UTRN: variants seen among roughly 807,000 people sequenced by gnomAD.
The protein encoded by UTRN is dystrophin-related protein 1.
UTRN carries 283 observed loss-of-function variants against 463.9 expected under a neutral mutation model. The ratio of observed to expected loss-of-function variants is 0.61; its 90% CI spans 0.55 to 0.67. The LOEUF (loss-of-function observed/expected upper bound fraction) is 0.67. Among genes scored for constraint, UTRN ranks in the 30% least tolerant of loss-of-function variants. The pLI is 0.00. For synonymous variants in UTRN, 1,442 were observed against 1,431.5 expected (o/e 1.01, Z -0.17); for missense variants, 3,922 against 4,084.3 (o/e 0.96, Z 1.08).
At chr6:144,450,354 A>C (rs1447444572) in intron 17 of UTRN, among the ~76,000 whole-genome samples, 1 of 152,176 alleles carries the variant, frequency 6.6e-6, no homozygotes. Flanking sequence ...TTGTGAGTTC[A>C]GTACTCATTA....
intron 9 of UTRN, among the ~76,000 whole-genome samples, chr6:144,433,627 G>A (rs1436548660): frequency 8.6e-5 from 13 of 150,908 alleles, no homozygotes; most frequent in South Asian, 2.1e-4. Flanking sequence ...CTTCTCAGAC[G>A]GGGCGGCCGG....
chr6:144,464,689 G>A (rs1256614698), intron 23 of UTRN, among the ~76,000 whole-genome samples: 1 of 151,986 alleles, frequency 6.6e-6, no homozygotes, highest in South Asian at 2.1e-4. Context: ...TAGTAGAGAT[G>A]AGGTTTTACC....
chr6:144,400,592 A>G (rs1173353031), intron 2 of UTRN, among the ~76,000 whole-genome samples: 2 of 152,200 alleles, frequency 1.3e-5, no homozygotes, highest in Admixed American at 1.3e-4. Flanking sequence ...CCTGTCTAGT[A>G]GAAAATAAGA....
intron 52 of UTRN, among the ~76,000 whole-genome samples, chr6:144,695,077 G>A (rs369101784): frequency 6.6e-6 from 1 of 150,946 alleles, no homozygotes; most frequent in Non-Finnish European, 1.5e-5. Flanking sequence ...CTTTTATTGC[G>A]CTAAAGTTGA....
At chr6:144,417,309 G>A (rs561022250) in intron 3 of UTRN, among the ~76,000 whole-genome samples, 36 of 152,178 alleles carry the variant, frequency 2.4e-4, no homozygotes, top group Non-Finnish European at 4.3e-4. Flanking sequence ...AATTTTAGTA[G>A]CAGTATAGCA....
chr6:144,393,630 C>T (rs6920327), intron 2 of UTRN, among the ~76,000 whole-genome samples: 5 of 151,828 alleles, frequency 3.3e-5, no homozygotes, highest in Admixed American at 1.3e-4. Context: ...TGTCATGACA[C>T]GTCAGAGAAG....
intron 51 of UTRN, among the ~76,000 whole-genome samples, chr6:144,657,870 T>A (rs1365599568): frequency 1.3e-5 from 2 of 152,164 alleles, no homozygotes; most frequent in African/African-American, 2.4e-5. Flanking sequence ...TCTCTCCCTT[T>A]TTTATTTATT....
intron 53 of UTRN, among the ~76,000 whole-genome samples, chr6:144,720,542 T>C (rs996863775): frequency 1.3e-5 from 2 of 152,228 alleles, no homozygotes; most frequent in Non-Finnish European, 2.9e-5. Flanking sequence ...CTGTGATTTT[T>C]AGTAGCTACA....
intron 66 of UTRN, among the ~76,000 whole-genome samples, chr6:144,824,603 TATA>T (rs1779962708): frequency 1.9e-5 from 1 of 52,698 alleles, no homozygotes; most frequent in African/African-American, 1.2e-4. Context: ...TATATATATA[TATA>T]TATATATCTT....
chr6:144,851,195 ATAT>A lies in UTRN; in HGVS notation c.*203_*205del, dbSNP rs545114045. ...GATATTTTGTTTTTATAATAACCAT[ATAT>A]TATTGTTTTCTTCTTCCCTTTCTAT... On this transcript the variant is annotated 3_prime_UTR_variant, in exon 75 of 75. Coordinates refer to ENST00000367545, the MANE Select transcript of UTRN (RefSeq NM_007124.3). 1,059 of 646,978 alleles carry A rather than the reference ATAT, an allele frequency of 1.6e-3. No individual in the cohort carries two copies. The highest frequency in any genetic ancestry group is 2.5e-3 in the Non-Finnish European group (933 of 373,994). The allele number at this position is 646,978 out of a possible 1,614,324, so 40.1% of individuals were successfully genotyped here. A position where few individuals can be genotyped will look rare whatever the true frequency, so the allele number is the denominator to read the frequency against.
At chr6:144,675,930 A>G (rs531805852) in intron 51 of UTRN, among the ~76,000 whole-genome samples, 7 of 152,326 alleles carry the variant, frequency 4.6e-5, no homozygotes, top group Admixed American at 3.3e-4. Context: ...TTTTAAGTCT[A>G]TGGCTTTTGA....
intron 69 of UTRN, among the ~76,000 whole-genome samples, chr6:144,834,438 G>A (rs141588932): frequency 1.0e-3 from 156 of 152,284 alleles, no homozygotes; most frequent in Middle Eastern, 6.8e-3. Context: ...ATACCAGAAC[G>A]TTCAGTTTTC....
intron 34 of UTRN, among the ~76,000 whole-genome samples, chr6:144,499,997 T>G (rs1794031796): frequency 6.6e-6 from 1 of 152,246 alleles, no homozygotes; most frequent in African/African-American, 2.4e-5. Context: ...TATCACATTT[T>G]CTTTATCCAA....
chr6:144,679,409 G>T (rs533794007), intron 52 of UTRN, among the ~76,000 whole-genome samples: 2 of 152,248 alleles, frequency 1.3e-5, no homozygotes, highest in South Asian at 4.1e-4. Context: ...TTGGCAGGAA[G>T]TCCTGGATCA....
At chr6:144,760,402 G>T (rs1792524188) in intron 58 of UTRN, among the ~76,000 whole-genome samples, 1 of 152,120 alleles carries the variant, frequency 6.6e-6, no homozygotes, top group South Asian at 2.1e-4. Flanking sequence ...TCCATCACCA[G>T]TAAAAGATCA....
intron 34 of UTRN, among the ~76,000 whole-genome samples, chr6:144,509,308 G>T (rs921272878): frequency 6.6e-6 from 1 of 151,410 alleles, no homozygotes; most frequent in Non-Finnish European, 1.5e-5. Flanking sequence ...ATACTTTTCG[G>T]TTTTTTTACA....
rs1789174108 is a variant in UTRN at position 144,459,278 on chromosome 6, G to A, written c.2631G>A (p.Arg877=). 6.2e-7 allele frequency: 1 copy of A among 1,614,070 alleles called. No homozygotes were observed. The change falls in exon 21 of 75, where the codon CGG becomes CGA. Residue 877 remains arginine, a synonymous_variant. Transcript: ENST00000367545. ...CTTCTGCCCCAGATTTTGTCCAGCG[G>A]GGCTTCGATAGCTTTCTGGGCCGCT... ...SQPSAPDFVQ[R]GFDSFLGRYQ...
intron 53 of UTRN, among the ~76,000 whole-genome samples, chr6:144,724,810 TA>T (rs1787676632): frequency 6.6e-6 from 1 of 152,236 alleles, no homozygotes; most frequent in Non-Finnish European, 1.5e-5. Flanking sequence ...ATTATGGATA[TA>T]TCACATTTTG....
intron 53 of UTRN, among the ~76,000 whole-genome samples, chr6:144,718,151 T>C (rs1388919740): frequency 1.3e-5 from 2 of 152,004 alleles, no homozygotes; most frequent in African/African-American, 2.4e-5. Flanking sequence ...CTGAGAAACA[T>C]GGTAGAATTT....
Sources: allele counts gnomAD v4.1 joint callset (sites outside exome capture counted in the v4.1 genomes callset), GRCh38; gene constraint gnomAD v4.1.1; transcripts MANE v1.5; gene names NCBI Gene and HGNC (gene_info 2026-07-23, HGNC 2026-07-21).